Variants in DCAF8 observed in about 807,000 individuals in gnomAD.
DCAF8 encodes DDB1 and CUL4 associated factor 8.
A neutral mutation model predicts 68.0 loss-of-function variants in DCAF8; 20 were observed. The observed-to-expected ratio is 0.29, with a 90% CI of 0.21 to 0.43. DCAF8 has a LOEUF of 0.43. Ranked by LOEUF, DCAF8 falls within the 20% of genes least tolerant of loss-of-function variation. DCAF8 has a pLI of 1.00. For missense variants in DCAF8, 460 were observed against 771.0 expected, an observed-to-expected ratio of 0.60 and a Z score of 4.78; for synonymous variants, 230 against 276.9, an observed-to-expected ratio of 0.83 and a Z score of 1.68.
intron 13 of DCAF8, 164 bp from the exon 14 acceptor site, chr1:160,217,872 G>A (rs1331378800): frequency 2.1e-5 from 12 of 578,928 alleles, no homozygotes; most frequent in Admixed American, 3.1e-5. Flanking sequence ...GGTCTTTATT[G>A]CAACTATTCA....
intron 2 of DCAF8, among the ~76,000 whole-genome samples, chr1:160,258,919 T>C (rs1351447461): frequency 6.6e-6 from 1 of 152,172 alleles, no homozygotes; most frequent in Non-Finnish European, 1.5e-5. Flanking sequence ...TCTCCTCCCA[T>C]CCTTTCCTTC....
chr1:160,242,893 T>C (rs749942748), intron 3 of DCAF8, among the ~76,000 whole-genome samples: 152 of 152,324 alleles, frequency 1.0e-3, no homozygotes, highest in Non-Finnish European at 1.7e-3. Context: ...ATACTTTAAC[T>C]CCTCTAGAAC....
At chr1:160,223,432 T>C in intron 10 of DCAF8, among the ~76,000 whole-genome samples, 1 of 152,206 alleles carries the variant, frequency 6.6e-6, no homozygotes, top group East Asian at 2.0e-4. Flanking sequence ...CTCTAACTGC[T>C]ATCTCCAAGA....
intron 7 of DCAF8, among the ~76,000 whole-genome samples, chr1:160,229,991 C>G (rs1325689025): frequency 6.6e-6 from 1 of 151,914 alleles, no homozygotes; most frequent in Non-Finnish European, 1.5e-5. Flanking sequence ...TCACTGCACT[C>G]CAGCATGGGT....
intron 2 of DCAF8, among the ~76,000 whole-genome samples, chr1:160,258,062 T>C (rs1457057778): frequency 6.6e-6 from 1 of 152,150 alleles, no homozygotes; most frequent in Non-Finnish European, 1.5e-5. Context: ...ATTGACTGCA[T>C]TTAGCAGGGT....
chr1:160,262,182 G>T, intron 1 of DCAF8: 1 of 396,660 alleles, frequency 2.5e-6, no homozygotes, highest in East Asian at 3.6e-5. Flanking sequence ...AGACCTGAGC[G>T]CTAAGAGCTT....
intron 2 of DCAF8, among the ~76,000 whole-genome samples, chr1:160,255,316 C>T (rs1038963161): frequency 1.3e-5 from 2 of 152,130 alleles, no homozygotes; most frequent in African/African-American, 2.4e-5. Context: ...CTATTATTAT[C>T]GTAGAGACGG....
At chr1:160,225,448 A>G in intron 8 of DCAF8, 143 bp downstream of exon 8, 1 of 659,348 alleles carries the variant, frequency 1.5e-6, no homozygotes, top group Non-Finnish European at 2.7e-6. Flanking sequence ...AAGATCACAA[A>G]GCTGGTAAGT....
chr1:160,246,175 G>T (rs1411120664), intron 2 of DCAF8, among the ~76,000 whole-genome samples: 1 of 151,870 alleles, frequency 6.6e-6, no homozygotes, highest in Non-Finnish European at 1.5e-5. Context: ...TATAAACTAA[G>T]GTAATAAGCA....
intron 13 of DCAF8, 166 bp from the exon 14 acceptor site, chr1:160,217,874 A>G: frequency 1.7e-6 from 1 of 574,524 alleles, no homozygotes; most frequent in Non-Finnish European, 3.1e-6. Context: ...TCTTTATTGC[A>G]ACTATTCAAC....
intron 3 of DCAF8, among the ~76,000 whole-genome samples, chr1:160,243,468 T>G (rs1656202527): frequency 6.7e-6 from 1 of 150,232 alleles, no homozygotes; most frequent in Non-Finnish European, 1.5e-5. Context: ...GGTCTCAAGC[T>G]CCTGGGCTCA....
chr1:160,230,438 TGAATCCACA>T (rs1227193645), intron 7 of DCAF8, among the ~76,000 whole-genome samples: 1 of 152,124 alleles, frequency 6.6e-6, no homozygotes, highest in African/African-American at 2.4e-5. Context: ...ATATGGAGAC[TGAATCCACA>T]GTGTCTGTTT....
intron 2 of DCAF8, among the ~76,000 whole-genome samples, chr1:160,252,896 T>C (rs985698577): frequency 5.9e-5 from 9 of 152,100 alleles, no homozygotes; most frequent in Non-Finnish European, 7.4e-5. Flanking sequence ...TCTGAATAAA[T>C]TTAAAATCCA....
chr1:160,253,361 GCA>G (rs1557842318), intron 2 of DCAF8, among the ~76,000 whole-genome samples: 2 of 151,902 alleles, frequency 1.3e-5, no homozygotes, highest in East Asian at 3.9e-4. Flanking sequence ...ATTAGGCTGC[GCA>G]CAGTGGCTGA....
In DCAF8 at chr1:160,222,796, G is replaced by A; in HGVS notation, c.1310-15C>T. 1.9e-6 allele frequency: 3 copies of A among 1,614,120 alleles called. No homozygotes were observed. Among genetic ancestry groups the A allele is most frequent in the Non-Finnish European group, 1.7e-6 (2 of 1,179,988 alleles). On this transcript the variant is annotated splice_polypyrimidine_tract_variant and intron_variant, in intron 10 of 13. Coordinates refer to ENST00000368074, the MANE Select transcript of DCAF8 (RefSeq NM_015726.4). Reference sequence around the variant, plus strand: ...GACGCCTTTTACTGAAATGATAAATGAGGGAAGAAACCACATGAGGGTTGG... The same window carrying A: ...GACGCCTTTTACTGAAATGATAAATAAGGGAAGAAACCACATGAGGGTTGG...
At chr1:160,230,873 T>A (rs1655654612) in intron 7 of DCAF8, among the ~76,000 whole-genome samples, 5 of 152,100 alleles carry the variant, frequency 3.3e-5, no homozygotes, top group Admixed American at 1.3e-4. Context: ...TGCCTCAGCC[T>A]CTTGAGCAGC....
rs544531572 is a variant in DCAF8, at chr1:160,225,648, C to T, written c.1086G>A (p.Arg362=). 1 of 1,613,400 alleles carries T rather than the reference C, an allele frequency of 6.2e-7. No individual in the cohort carries two copies. The highest frequency in any genetic ancestry group is 1.3e-5 in the African/African-American group (1 of 75,008). ...RDQFVRIYDQ[R]KIDENENNGV... ...CATTGTTCTCATTCTCATCAATTTT[C>T]CTCTGGTCATAAATCCTACAGTTGG... The change falls in exon 8 of 14, where the codon AGG becomes AGA. Residue 362 remains arginine (R), a synonymous_variant. Transcript: ENST00000368074.
intron 2 of DCAF8, among the ~76,000 whole-genome samples, chr1:160,244,516 A>G (rs899618675): frequency 6.6e-6 from 1 of 152,188 alleles, no homozygotes; most frequent in Admixed American, 6.5e-5. Context: ...TCAGATTCTG[A>G]GTATCATTTT....
At chr1:160,244,711 G>A (rs1203981369) in intron 2 of DCAF8, among the ~76,000 whole-genome samples, 1 of 151,502 alleles carries the variant, frequency 6.6e-6, no homozygotes, top group African/African-American at 2.4e-5. Context: ...TCTGCCTCCC[G>A]GGTTCACACC....
Sources: allele counts gnomAD v4.1 joint callset (sites outside exome capture counted in the v4.1 genomes callset), GRCh38; gene constraint gnomAD v4.1.1; transcripts MANE v1.5; gene names NCBI Gene and HGNC (gene_info 2026-07-23, HGNC 2026-07-21).